The following SUGCT variants were observed in gnomAD, a reference collection of about 807,000 sequenced individuals.
The protein encoded by SUGCT is succinyl-CoA:glutarate CoA-transferase.
In SUGCT, 41 loss-of-function variants were observed where a neutral mutation model predicts 55.0. That is an observed-to-expected ratio of 0.74 (90% CI 0.58 to 0.97). SUGCT has a LOEUF of 0.97. SUGCT is among the 50% of genes least tolerant of loss of function. The probability of loss-of-function intolerance (pLI) is 0.00; values close to 1 mark genes in which losing one functional copy is unlikely to be tolerated. For missense variants in SUGCT, 568 were observed against 547.8 expected, an observed-to-expected ratio of 1.04 and a Z score of -0.37; for synonymous variants, 187 against 200.4, an observed-to-expected ratio of 0.93 and a Z score of 0.56.
At chr7:40,218,027 A>G (rs1156504417) in intron 6 of SUGCT, among the ~76,000 whole-genome samples, 3 of 152,142 alleles carry the variant, frequency 2.0e-5, no homozygotes, top group Non-Finnish European at 4.4e-5. Context: ...CATCCTGGCT[A>G]ACATGGTGAA....
chr7:40,164,478 G>T (rs1359478454), intron 1 of SUGCT, among the ~76,000 whole-genome samples: 1 of 151,984 alleles, frequency 6.6e-6, no homozygotes, highest in Non-Finnish European at 1.5e-5. Flanking sequence ...AAAAGTTGAG[G>T]ATTTTTTTTT....
chr7:40,427,308 G>A (rs529923608), intron 9 of SUGCT, among the ~76,000 whole-genome samples: 11 of 152,138 alleles, frequency 7.2e-5, no homozygotes, highest in South Asian at 2.1e-4. Flanking sequence ...TAAGATGGTC[G>A]TTATTTATAT....
At chr7:40,665,161 G>A (rs1584236859) in intron 12 of SUGCT, among the ~76,000 whole-genome samples, 2 of 151,942 alleles carry the variant, frequency 1.3e-5, no homozygotes, top group South Asian at 4.1e-4. Flanking sequence ...CGGCCAGGCT[G>A]GATGTGGTGG....
chr7:40,548,105 G>A (rs1160486434), intron 12 of SUGCT, among the ~76,000 whole-genome samples: 1 of 148,914 alleles, frequency 6.7e-6, no homozygotes, highest in East Asian at 2.0e-4. Context: ...GTTTTATACT[G>A]TTTCGCATTC....
intron 9 of SUGCT, among the ~76,000 whole-genome samples, chr7:40,443,927 A>C (rs1788662274): frequency 6.6e-6 from 1 of 152,194 alleles, no homozygotes; most frequent in African/African-American, 2.4e-5. Flanking sequence ...ACCCAGTTTC[A>C]GCTTTCTACA....
intron 12 of SUGCT, among the ~76,000 whole-genome samples, chr7:40,503,112 T>C (rs1261918396): frequency 6.6e-6 from 1 of 151,984 alleles, no homozygotes; most frequent in Non-Finnish European, 1.5e-5. Context: ...TCAGGCTTGG[T>C]TTTTTTGAGG....
intron 9 of SUGCT, among the ~76,000 whole-genome samples, chr7:40,358,527 A>C (rs1481245265): frequency 6.6e-6 from 1 of 152,178 alleles, no homozygotes; most frequent in Non-Finnish European, 1.5e-5. Flanking sequence ...AGCCTGGCCA[A>C]CATGGTGAAA....
At chr7:41,025,416 C>A in the SUGCT span, among the ~76,000 whole-genome samples, 1 of 151,764 alleles carries the variant, frequency 6.6e-6, no homozygotes, top group Non-Finnish European at 1.5e-5. Flanking sequence ...GTCACCCAGG[C>A]TGAAGTGCAG....
the SUGCT span, among the ~76,000 whole-genome samples, chr7:41,006,155 T>C: frequency 1.3e-5 from 2 of 152,268 alleles, no homozygotes; most frequent in East Asian, 3.9e-4. Flanking sequence ...GGGCTGAAAA[T>C]GATCTTGGCC....
the SUGCT span, among the ~76,000 whole-genome samples, chr7:40,934,459 CA>C: frequency 6.6e-6 from 1 of 152,212 alleles, no homozygotes; most frequent in Non-Finnish European, 1.5e-5. Context: ...CTTGGAGAAT[CA>C]CTGCTCTCTT....
intron 13 of SUGCT, among the ~76,000 whole-genome samples, chr7:40,797,356 G>A (rs1296647355): frequency 6.6e-6 from 1 of 151,888 alleles, no homozygotes; most frequent in African/African-American, 2.4e-5. Context: ...CACTCTATAA[G>A]TCATTTCAAT....
At chr7:40,623,593 A>AT (rs1171385127) in intron 12 of SUGCT, among the ~76,000 whole-genome samples, 2 of 152,148 alleles carry the variant, frequency 1.3e-5, no homozygotes, top group Non-Finnish European at 2.9e-5. Flanking sequence ...AATTCCAAGA[A>AT]TTTTTTTGTA....
At chr7:40,241,163 T>G (rs1789356097) in intron 7 of SUGCT, among the ~76,000 whole-genome samples, 1 of 152,220 alleles carries the variant, frequency 6.6e-6, no homozygotes, top group South Asian at 2.1e-4. Flanking sequence ...ATTTCTCTCT[T>G]GAAATCGAGT....
chr7:40,424,346 G>A (rs1197211468), intron 9 of SUGCT, among the ~76,000 whole-genome samples: 1 of 152,192 alleles, frequency 6.6e-6, no homozygotes, highest in African/African-American at 2.4e-5. Flanking sequence ...ATGTGTGTAG[G>A]TGTGTGGAGA....
chr7:40,175,417 G>A (rs1343531690), intron 1 of SUGCT, among the ~76,000 whole-genome samples: 7 of 152,004 alleles, frequency 4.6e-5, no homozygotes, highest in Non-Finnish European at 4.4e-5. Flanking sequence ...ACAGGGTTTC[G>A]CCATGCTGGC....
intron 9 of SUGCT, among the ~76,000 whole-genome samples, chr7:40,339,851 GT>G (rs1796948253): frequency 6.6e-6 from 1 of 152,190 alleles, no homozygotes; most frequent in Non-Finnish European, 1.5e-5. Flanking sequence ...GCTGGGAGCT[GT>G]AGACTGGAGC....
At chr7:40,707,676 C>T (rs1284175924) in intron 12 of SUGCT, among the ~76,000 whole-genome samples, 1 of 152,128 alleles carries the variant, frequency 6.6e-6, no homozygotes, top group Non-Finnish European at 1.5e-5. Flanking sequence ...ACCCACTTTC[C>T]CTAAACCACT....
intron 13 of SUGCT, among the ~76,000 whole-genome samples, chr7:40,841,172 TAAAC>T (rs550547699): frequency 4.7e-4 from 72 of 152,204 alleles, no homozygotes; most frequent in Middle Eastern, 3.4e-3. Flanking sequence ...TTTTTCCTAA[TAAAC>T]AAAATAAAAT....
At chr7:40,509,731 G>A (rs921661107) in intron 12 of SUGCT, among the ~76,000 whole-genome samples, 2 of 151,694 alleles carry the variant, frequency 1.3e-5, no homozygotes, top group African/African-American at 4.9e-5. Flanking sequence ...GGGGATACAG[G>A]AGTAAAAAAG....
Sources: allele counts gnomAD v4.1 joint callset (sites outside exome capture counted in the v4.1 genomes callset), GRCh38; gene constraint gnomAD v4.1.1; transcripts MANE v1.5; gene names NCBI Gene and HGNC (gene_info 2026-07-23, HGNC 2026-07-21).